Variants in GABRA1 observed in about 807,000 individuals in gnomAD.
GABRA1 encodes the protein gamma-aminobutyric acid type A receptor subunit alpha1, also known as gamma-aminobutyric acid receptor subunit alpha-1.
A neutral mutation model predicts 48.9 loss-of-function variants in GABRA1; 9 were observed. The ratio of observed to expected loss-of-function variants is 0.18; its 90% CI spans 0.11 to 0.32. GABRA1 has a LOEUF of 0.32. Ranked by LOEUF, GABRA1 falls within the 10% of genes least tolerant of loss-of-function variation. The probability of loss-of-function intolerance (pLI) is 1.00; values close to 1 mark genes in which losing one functional copy is unlikely to be tolerated. For missense variants in GABRA1, 285 were observed against 553.8 expected (o/e 0.51, Z 4.87); for synonymous variants, 210 against 198.7 (o/e 1.06, Z -0.48).
chr5:161,854,058 T>C lies in GABRA1; in HGVS notation c.75-100T>C, dbSNP rs1229663348. On this transcript the variant is annotated intron_variant, in intron 2 of 9. Transcript: ENST00000393943. ...AAATAATTTTCAAGTTAAGATTCAG[T>C]AGAAACCAAAGTAGAAAAACTGAGA... The C allele has an allele frequency of 6.3e-6, 4 of 634,488 alleles. No individual in the cohort carries two copies. The East Asian group carries it at 1.1e-4, about 17-fold the overall frequency. The allele number at this position is 634,488 out of a possible 1,614,324, so 39.3% of individuals were successfully genotyped here.
intron 7 of GABRA1, among the ~76,000 whole-genome samples, chr5:161,883,675 A>C (rs892831317): frequency 5.3e-5 from 8 of 152,132 alleles, no homozygotes; most frequent in Non-Finnish European, 8.8e-5. Context: ...AATACGATTT[A>C]GTAGTAAATA....
chr5:161,870,535 C>G (rs1206587991), intron 4 of GABRA1, among the ~76,000 whole-genome samples: 1 of 146,592 alleles, frequency 6.8e-6, no homozygotes, highest in Non-Finnish European at 1.5e-5. Context: ...TTATTGCAGT[C>G]CAGCCTGGGC....
chr5:161,854,410 C>G, intron 3 of GABRA1, 140 bp downstream of exon 3: 2 of 678,100 alleles, frequency 2.9e-6, no homozygotes, highest in Non-Finnish European at 5.4e-6. Flanking sequence ...ATGGATCACT[C>G]TATGTTAATT....
chr5:161,899,861 C>T lies in GABRA1; in HGVS notation c.*2439C>T, dbSNP rs895379034. 6.6e-5 allele frequency: 10 copies of T among 152,110 alleles called. No individual in the cohort carries two copies. Among genetic ancestry groups the T allele is most frequent in the African/African-American group, 2.4e-4 (10 of 41,426 alleles). The allele number at this position is 152,110 out of a possible 1,614,324, so 9.4% of individuals were successfully genotyped here. On this transcript the variant is annotated 3_prime_UTR_variant, in exon 10 of 10. Coordinates refer to ENST00000393943, the MANE Select transcript of GABRA1 (RefSeq NM_001127644.2). ...GAATCAAGGTTGTTTATGGCAGATG[C>T]ATGTGTTGCTTTACAGAGTTTAGCA...
chr5:161,872,635 G>T (rs1352031279), intron 4 of GABRA1, among the ~76,000 whole-genome samples: 1 of 152,086 alleles, frequency 6.6e-6, no homozygotes, highest in Non-Finnish European at 1.5e-5. Context: ...ATCCATATTG[G>T]AATCACAATT....
intron 1 of GABRA1, chr5:161,850,403 G>A (rs528276487): frequency 4.8e-6 from 2 of 414,214 alleles, no homozygotes; most frequent in South Asian, 8.6e-5. Flanking sequence ...AAATTTTAAT[G>A]CACAGTTCAC....
In GABRA1 at chr5:161,898,437, T is replaced by C. The variant is rs1755471640; in HGVS notation, c.*1015T>C. ...AAACGATATATGTAAATATACAGCA[T>C]GAGATTGTACATTTTTTACTTTTTT... On this transcript the variant is annotated 3_prime_UTR_variant, in exon 10 of 10. Coordinates refer to ENST00000393943, the MANE Select transcript of GABRA1 (RefSeq NM_001127644.2). 1 of 152,544 alleles carries C rather than the reference T, an allele frequency of 6.6e-6. No individual in the cohort carries two copies. The highest frequency in any genetic ancestry group is 6.5e-5 in the Admixed American group (1 of 15,274). 9.4% of individuals were successfully genotyped at this position (152,544 alleles called of 1,614,324 possible). A position where few individuals can be genotyped will look rare whatever the true frequency, so the allele number is the denominator to read the frequency against.
chr5:161,859,097 A>G (rs1757756693), intron 3 of GABRA1, among the ~76,000 whole-genome samples: 1 of 151,484 alleles, frequency 6.6e-6, no homozygotes, highest in Admixed American at 6.6e-5. Context: ...GTAGATTTGG[A>G]TTTTTTTGGT....
chr5:161,892,192 G>C (rs1267595531), intron 8 of GABRA1, among the ~76,000 whole-genome samples: 1 of 152,144 alleles, frequency 6.6e-6, no homozygotes. Context: ...CGTATTTATT[G>C]GTGAGAGGTG....
chr5:161,851,513 CA>C, intron 2 of GABRA1, among the ~76,000 whole-genome samples: 1 of 152,128 alleles, frequency 6.6e-6, no homozygotes, highest in South Asian at 2.1e-4. Context: ...ATGATCCAAT[CA>C]AGCATGTGAA....
intron 7 of GABRA1, among the ~76,000 whole-genome samples, chr5:161,887,779 T>C (rs1020026229): frequency 1.3e-5 from 2 of 152,156 alleles, no homozygotes; most frequent in Non-Finnish European, 2.9e-5. Context: ...TCTGTGTTTT[T>C]AATCTTCATA....
At chr5:161,867,250 C>T (rs184632804) in intron 4 of GABRA1, among the ~76,000 whole-genome samples, 1 of 152,252 alleles carries the variant, frequency 6.6e-6, no homozygotes, top group East Asian at 1.9e-4. Flanking sequence ...TCTTCCCACA[C>T]TATTCTCTCA....
intron 3 of GABRA1, among the ~76,000 whole-genome samples, chr5:161,863,838 G>A (rs142103709): frequency 6.6e-6 from 1 of 151,658 alleles, no homozygotes; most frequent in Non-Finnish European, 1.5e-5. Flanking sequence ...TAGAGTAGCA[G>A]CCCCAAATAA....
At chr5:161,866,080 T>C (rs1374493056) in intron 4 of GABRA1, among the ~76,000 whole-genome samples, 1 of 152,074 alleles carries the variant, frequency 6.6e-6, no homozygotes, top group Non-Finnish European at 1.5e-5. Context: ...AGCCATACAG[T>C]ATGAGTTATG....
At chr5:161,853,029 T>A (rs1757511748) in intron 2 of GABRA1, among the ~76,000 whole-genome samples, 2 of 151,914 alleles carry the variant, frequency 1.3e-5, no homozygotes, top group African/African-American at 4.8e-5. Flanking sequence ...GTGATATATT[T>A]GTGGCAGTTT....
chr5:161,878,463 C>T (rs564509485), intron 6 of GABRA1, among the ~76,000 whole-genome samples: 3 of 152,012 alleles, frequency 2.0e-5, no homozygotes, highest in Non-Finnish European at 2.9e-5. Context: ...AACACCTTGC[C>T]GAAATATCAG....
At chr5:161,878,864 A>G (rs1274321959) in intron 6 of GABRA1, among the ~76,000 whole-genome samples, 3 of 152,192 alleles carry the variant, frequency 2.0e-5, no homozygotes, top group Non-Finnish European at 4.4e-5. Context: ...TAATTATCAA[A>G]AAACAATGCA....
chr5:161,874,876 G>A (rs1754276699), intron 5 of GABRA1, among the ~76,000 whole-genome samples: 1 of 151,510 alleles, frequency 6.6e-6, no homozygotes, highest in Admixed American at 6.6e-5. Context: ...TTCTTTCTTA[G>A]CAATCCAAAA....
chr5:161,874,162 G>A lies in GABRA1; in HGVS notation c.476+825G>A, dbSNP rs181087885. On this transcript the variant is annotated intron_variant, in intron 5 of 9. Coordinates refer to ENST00000393943, the MANE Select transcript of GABRA1 (RefSeq NM_001127644.2). ...TCAATTATTTCTTTGGTACAAAAAGGTAATAAAGGTAAAATCCTAAATTTA... is the reference window on the plus strand; with the variant it reads ...TCAATTATTTCTTTGGTACAAAAAGATAATAAAGGTAAAATCCTAAATTTA... Among the ~76,000 whole-genome samples, 160 of 152,134 alleles carry A rather than the reference G, an allele frequency of 1.1e-3. 2 individuals are homozygous for A. The highest frequency in any genetic ancestry group is 5.5e-3 in the Admixed American group (84 of 15,266).
Sources: gnomAD v4.1 joint callset for allele counts (sites outside exome capture counted in the v4.1 genomes callset) on GRCh38, gnomAD v4.1.1 for gene constraint, MANE v1.5 for transcripts, NCBI Gene and HGNC (gene_info 2026-07-23, HGNC 2026-07-21) for gene names.